Variants in PKN2 observed in about 807,000 individuals in gnomAD.
PKN2 encodes the protein serine/threonine-protein kinase N2.
PKN2 carries 38 observed loss-of-function variants against 119.1 expected under a neutral mutation model. The observed-to-expected ratio is 0.32, with a 90% CI of 0.25 to 0.42. PKN2 has a LOEUF of 0.42. Ranked by LOEUF, PKN2 falls within the 10% of genes least tolerant of loss-of-function variation. The pLI is 1.00. For synonymous variants in PKN2, 390 were observed against 384.9 expected, an observed-to-expected ratio of 1.01 and a Z score of -0.15; for missense variants, 850 against 1,165.1, an observed-to-expected ratio of 0.73 and a Z score of 3.94.
chr1:88,685,714 A>G (rs1666065792), intron 1 of PKN2, among the ~76,000 whole-genome samples: 1 of 151,916 alleles, frequency 6.6e-6, no homozygotes, highest in Admixed American at 6.5e-5. Flanking sequence ...GAATTAGGAG[A>G]AAAAAATAGC....
intron 8 of PKN2, among the ~76,000 whole-genome samples, chr1:88,790,401 G>A (rs192280106): frequency 1.3e-5 from 2 of 152,070 alleles, no homozygotes; most frequent in Non-Finnish European, 2.9e-5. Context: ...AAGTAATAGC[G>A]GTTTTGCCAT....
At chr1:88,756,847 T>C (rs1362620824) in intron 2 of PKN2, among the ~76,000 whole-genome samples, 1 of 152,180 alleles carries the variant, frequency 6.6e-6, no homozygotes, top group African/African-American at 2.4e-5. Context: ...GTTTCTAAGC[T>C]CTGTACACAT....
intron 1 of PKN2, among the ~76,000 whole-genome samples, chr1:88,717,656 G>T (rs1228844323): frequency 6.6e-6 from 1 of 151,750 alleles, no homozygotes; most frequent in Non-Finnish European, 1.5e-5. Context: ...GTCATTTAAG[G>T]TCTTCTCCAT....
At chr1:88,697,892 T>C (rs1666606471) in intron 1 of PKN2, among the ~76,000 whole-genome samples, 1 of 152,218 alleles carries the variant, frequency 6.6e-6, no homozygotes, top group Admixed American at 6.5e-5. Context: ...CCTCAAAACT[T>C]AAGAATATTT....
chr1:88,722,787 TAAAAA>T (rs1293365955), intron 1 of PKN2, among the ~76,000 whole-genome samples: 3 of 108,550 alleles, frequency 2.8e-5, no homozygotes, highest in Admixed American at 9.0e-5. Flanking sequence ...TGTCTCAAAA[TAAAAA>T]AAAAAAAAAG....
intron 1 of PKN2, among the ~76,000 whole-genome samples, chr1:88,704,770 C>A (rs1418822606): frequency 7.2e-6 from 1 of 139,580 alleles, no homozygotes; most frequent in Non-Finnish European, 1.6e-5. Context: ...AACAGCAAGA[C>A]CCTGTCTCAA....
chr1:88,753,867 C>G (rs867549228), intron 2 of PKN2, among the ~76,000 whole-genome samples: 15 of 152,204 alleles, frequency 9.9e-5, no homozygotes, highest in African/African-American at 3.6e-4. Flanking sequence ...GGACACAGAT[C>G]CAAACCATAT....
intron 18 of PKN2, among the ~76,000 whole-genome samples, chr1:88,827,718 TTTTG>T (rs1328983732): frequency 6.0e-5 from 9 of 150,166 alleles, no homozygotes; most frequent in South Asian, 2.1e-4. Context: ...TATATATGTT[TTTTG>T]TTTGTTTGTT....
At chr1:88,748,198 A>C (rs1031406916) in intron 2 of PKN2, among the ~76,000 whole-genome samples, 3 of 152,190 alleles carry the variant, frequency 2.0e-5, no homozygotes, top group African/African-American at 7.2e-5. Context: ...CATTCAGAAA[A>C]AGGAATAGTT....
chr1:88,788,526 ACCTCTGCCTC>A (rs1670678689), intron 8 of PKN2, among the ~76,000 whole-genome samples: 1 of 151,900 alleles, frequency 6.6e-6, no homozygotes, highest in Admixed American at 6.6e-5. Flanking sequence ...GCTCATCGCA[ACCTCTGCCTC>A]CCAGGTTCGA....
intron 15 of PKN2, among the ~76,000 whole-genome samples, chr1:88,810,987 T>A (rs1333404082): frequency 6.6e-6 from 1 of 152,240 alleles, no homozygotes; most frequent in African/African-American, 2.4e-5. Context: ...ACTTTGAAAT[T>A]ACCTTTTTTA....
Position 88,758,126 on chromosome 1 carries a change from T to C in PKN2, c.350-2096T>C, listed in dbSNP as rs548434417. Among the ~76,000 whole-genome samples, 25 of 152,112 alleles carry C rather than the reference T, an allele frequency of 1.6e-4. No homozygotes were observed. In the East Asian group the frequency reaches 4.4e-3, roughly 27 times the overall value. On this transcript the variant is annotated intron_variant, in intron 2 of 21. Coordinates refer to ENST00000370521, the MANE Select transcript of PKN2 (RefSeq NM_006256.4). ...AGATGGTTCTTTCTGAAGTTTTATT[T>C]ATTTATTTTTGCAAAATGAAAATTA... is the stretch of plus-strand genomic sequence containing the variant.
rs7513018 is a variant in PKN2, at chr1:88,705,331, T to C, written c.48+20703T>C. ...TCCATTGTGAGGTAATTTTTGTTTA[T>C]GGTGCCAGGTGTTGATCAAAGTTCA... On this transcript the variant is annotated intron_variant, in intron 1 of 21. Transcript: ENST00000370521. Among the ~76,000 whole-genome samples, 650 of 152,284 alleles carry C rather than the reference T, an allele frequency of 4.3e-3. 2 individuals are homozygous for C. Among genetic ancestry groups the C allele is most frequent in the African/African-American group, 0.015 (612 of 41,578 alleles).
intron 10 of PKN2, 111 bp downstream of exon 10, chr1:88,805,032 T>C (rs1671481369): frequency 1.0e-5 from 6 of 578,524 alleles, no homozygotes; most frequent in Non-Finnish European, 1.8e-5. Context: ...TGTTTATTCA[T>C]TTATTTCTAA....
intron 1 of PKN2, among the ~76,000 whole-genome samples, chr1:88,722,787 T>TA (rs1293365955): frequency 1.4e-3 from 147 of 108,456 alleles, no homozygotes; most frequent in Middle Eastern, 9.0e-3. Flanking sequence ...TGTCTCAAAA[T>TA]AAAAAAAAAA....
At chr1:88,801,155 C>T (rs551495777) in intron 8 of PKN2, among the ~76,000 whole-genome samples, 52 of 152,066 alleles carry the variant, frequency 3.4e-4, no homozygotes, top group Non-Finnish European at 6.6e-4. Context: ...GGAGCCAAGA[C>T]GGGTGGATCA....
At position 88,832,773 on chromosome 1, in the gene PKN2, A is replaced by T. The variant is rs1268303501; in HGVS notation, c.2592A>T (p.Glu864Asp). 6.2e-7 allele frequency: 1 copy of T among 1,600,936 alleles called. No homozygotes were observed. The highest frequency in any genetic ancestry group is 1.3e-5 in the African/African-American group (1 of 74,366). The change falls in exon 20 of 22, where the codon GAA becomes GAT. Residue 864 changes from glutamate to aspartate, a missense_variant. Physicochemically the swap from Glu to Asp is conservative, Grantham distance 45 (BLOSUM62 2). Transcript: ENST00000370521. ...CCTTTCCTGGTGATGATGAAGAGGA[A>T]GTTTTTGACAGTATTGTAAATGATG... The part of the protein sequence containing the change: ...ESPFPGDDEE[E>D]VFDSIVNDEV...
At chr1:88,829,338 C>G in intron 19 of PKN2, 4 of 439,970 alleles carry the variant, frequency 9.1e-6, no homozygotes, top group South Asian at 2.9e-5. Context: ...ACACCAACAG[C>G]TCCACCGAGA....
intron 6 of PKN2, among the ~76,000 whole-genome samples, chr1:88,778,963 T>G (rs1022649566): frequency 2.0e-5 from 3 of 152,198 alleles, no homozygotes; most frequent in Non-Finnish European, 4.4e-5. Context: ...GACCTTGTGA[T>G]CCGCCCGCCT....
Sources: gnomAD v4.1 joint callset for allele counts (sites outside exome capture counted in the v4.1 genomes callset) on GRCh38, gnomAD v4.1.1 for gene constraint, MANE v1.5 for transcripts, NCBI Gene and HGNC (gene_info 2026-07-23, HGNC 2026-07-21) for gene names.